Variants in MGAM observed in about 807,000 individuals in gnomAD.
MGAM encodes alpha-1,4-glucosidase.
In MGAM, 253 loss-of-function variants were observed where a neutral mutation model predicts 358.8. That is an observed-to-expected ratio of 0.71 (90% CI 0.64 to 0.78). The LOEUF (loss-of-function observed/expected upper bound fraction) is 0.78, where lower values mean the gene tolerates loss of function less well. Ranked by LOEUF, MGAM falls within the 30% of genes least tolerant of loss-of-function variation. The pLI is 0.00. For synonymous variants in MGAM, 1,105 were observed against 1,227.1 expected (o/e 0.90, Z 2.08); for missense variants, 3,080 against 3,432.6 (o/e 0.90, Z 2.57).
rs76746651 is a variant in MGAM at position 142,105,115 on chromosome 7, T to C, written c.8185-699T>C. On this transcript the variant is annotated intron_variant, in intron 70 of 70. Coordinates refer to ENST00000475668, the MANE Select transcript of MGAM (RefSeq NM_001365693.1). ...TGAAAGCTTCTTGACAGCATCTGCCTAGGAAGAAGCAGGAATAGTGGACTC... is the reference window on the plus strand; with the variant it reads ...TGAAAGCTTCTTGACAGCATCTGCCCAGGAAGAAGCAGGAATAGTGGACTC... Among the ~76,000 whole-genome samples the C allele has an allele frequency of 1.8e-3, 273 of 152,092 alleles. 4 individuals carry two copies. In the South Asian group the frequency reaches 0.036, roughly 20 times the overall value.
intron 3 of MGAM, among the ~76,000 whole-genome samples, chr7:142,018,168 G>A (rs1584923742): frequency 6.6e-6 from 1 of 152,210 alleles, no homozygotes; most frequent in East Asian, 1.9e-4. Context: ...GTGTCTCTTG[G>A]AAGGCTGCAG....
At chr7:142,079,521 T>C (rs1015900314) in intron 49 of MGAM, among the ~76,000 whole-genome samples, 2 of 146,078 alleles carry the variant, frequency 1.4e-5, no homozygotes, top group African/African-American at 4.9e-5. Context: ...GATGATATGT[T>C]CAGTTTGGGA....
At chr7:142,025,456 GTTC>G (rs1218861961) in intron 8 of MGAM, among the ~76,000 whole-genome samples, 5 of 152,242 alleles carry the variant, frequency 3.3e-5, no homozygotes. Context: ...CCACCAATGT[GTTC>G]TTCTCCGTCT....
intron 8 of MGAM, 139 bp from the exon 9 acceptor site, chr7:142,026,976 C>T: frequency 1.6e-6 from 1 of 617,432 alleles, no homozygotes; most frequent in South Asian, 2.1e-5. Context: ...AGGGTTTTCA[C>T]TTGGTATTCA....
intron 42 of MGAM, among the ~76,000 whole-genome samples, chr7:142,068,137 C>T (rs1192144277): frequency 8.7e-6 from 1 of 115,202 alleles, no homozygotes; most frequent in Non-Finnish European, 2.0e-5. Flanking sequence ...CAGGCATGTG[C>T]CACCATTCCC....
intron 24 of MGAM, 52 bp from the exon 25 acceptor site, chr7:142,052,242 C>A (rs1288381424): frequency 2.7e-6 from 4 of 1,481,396 alleles, no homozygotes; most frequent in South Asian, 1.4e-5. Context: ...TCAGGTCTTG[C>A]AAAGCCTGTC....
At position 142,050,845 on chromosome 7, in the gene MGAM, C is replaced by T. The variant is rs1321529491; in HGVS notation, c.2786C>T (p.Thr929Ile). Residue 929 changes from threonine to isoleucine, a missense_variant, in exon 24 of 71, where the codon ACT (threonine) becomes ATT (isoleucine). Coordinates refer to ENST00000475668, the MANE Select transcript of MGAM (RefSeq NM_001365693.1). Reference protein sequence around the residue: ...GVPSQTSPTVTYDSNLKVAII... With the variant: ...GVPSQTSPTVIYDSNLKVAII... ...CCAAGTCAGACTTCTCCTACAGTCA[C>T]TTATGATTCTAACCTGAAGGTAAAA... 2 of 1,613,562 alleles carry T rather than the reference C, an allele frequency of 1.2e-6. No homozygotes were observed. Among genetic ancestry groups the T allele is most frequent in the African/African-American group, 2.7e-5 (2 of 74,904 alleles).
chr7:142,094,289 C>T (rs1815672744), intron 60 of MGAM, 75 bp from the exon 61 acceptor site: 1 of 1,454,550 alleles, frequency 6.9e-7, no homozygotes, highest in African/African-American at 1.4e-5. Flanking sequence ...GGCTCAAGGG[C>T]TCTGGGAGCA....
chr7:142,065,859 T>G, intron 40 of MGAM, 28 bp downstream of exon 40: 1 of 1,449,226 alleles, frequency 6.9e-7, no homozygotes, highest in Non-Finnish European at 9.6e-7. Flanking sequence ...ACCTCCACTG[T>G]TTTATGTCAC....
upstream of MGAM, among the ~76,000 whole-genome samples, chr7:141,992,065 G>A (rs1425257411): frequency 6.6e-6 from 1 of 152,152 alleles, no homozygotes; most frequent in African/African-American, 2.4e-5. Flanking sequence ...TGAGAGATTG[G>A]CATATTTGAA....
intron 24 of MGAM, among the ~76,000 whole-genome samples, chr7:142,051,255 T>A (rs1302874273): frequency 6.6e-6 from 1 of 152,064 alleles, no homozygotes; most frequent in East Asian, 1.9e-4. Flanking sequence ...AGGAAACTTG[T>A]GGTCAGGTTT....
At chr7:142,026,801 A>G (rs1343949232) in intron 8 of MGAM, among the ~76,000 whole-genome samples, 2 of 152,142 alleles carry the variant, frequency 1.3e-5, no homozygotes, top group African/African-American at 2.4e-5. Context: ...TAATTTTTTT[A>G]TGTCACAGTG....
chr7:142,041,957 T>A (rs1452128974), intron 21 of MGAM, among the ~76,000 whole-genome samples: 3 of 20,410 alleles, frequency 1.5e-4, no homozygotes, highest in African/African-American at 1.4e-4. Context: ...TACATATATA[T>A]AATATATATA....
chr7:142,095,047 G>A (rs1815771544), intron 63 of MGAM, among the ~76,000 whole-genome samples, 184 bp downstream of exon 63: 1 of 151,850 alleles, frequency 6.6e-6, no homozygotes, highest in Admixed American at 6.6e-5. Context: ...GCTGACTGCA[G>A]CCTTGACCTC....
At position 142,076,755 on chromosome 7, in the gene MGAM, A is replaced by G; in HGVS notation, c.5422A>G (p.Asn1808Asp). 6.4e-7 allele frequency: 1 copy of G among 1,554,748 alleles called. No individual in the cohort carries two copies. Among genetic ancestry groups the G allele is most frequent in the Admixed American group, 1.7e-5 (1 of 58,444 alleles). Residue 1808 changes from asparagine (N) to aspartate (D), a missense_variant, in exon 47 of 71, where the codon AAT becomes GAT. Transcript: ENST00000475668. ...AATTCTTGGGATGGAGGAACCTAGC[A>G]ATGTTACGGTGAAACACAATGGTGT... is the stretch of plus-strand genomic sequence containing the variant. Reference protein sequence around the residue: ...IKILGMEEPSNVTVKHNGVPS... With the variant: ...IKILGMEEPSDVTVKHNGVPS...
At position 142,005,365 on chromosome 7, in the gene MGAM, A is replaced by G. The variant is rs546921534; in HGVS notation, c.-2-164A>G. 4.6e-5 allele frequency among the ~76,000 whole-genome samples: 7 copies of G among 152,268 alleles called. No homozygotes were observed. In the South Asian group the frequency reaches 1.4e-3, roughly 32 times the overall value. ...GAGAAAAGTGGACCAGAATAAGGAC[A>G]GAATGAATTGGCCATGAGCTGATAA... On this transcript the variant is annotated intron_variant, in intron 1 of 70. Coordinates refer to ENST00000475668, the MANE Select transcript of MGAM (RefSeq NM_001365693.1).
intron 21 of MGAM, among the ~76,000 whole-genome samples, chr7:142,044,184 C>G (rs549927783): frequency 8.1e-6 from 1 of 124,022 alleles, no homozygotes; most frequent in Admixed American, 8.9e-5. Flanking sequence ...TATACACATA[C>G]GACATATAAT....
At chr7:142,053,665 T>C (rs1811230750) in intron 26 of MGAM, among the ~76,000 whole-genome samples, 1 of 152,172 alleles carries the variant, frequency 6.6e-6, no homozygotes, top group African/African-American at 2.4e-5. Flanking sequence ...CCTTTCCTGT[T>C]TGTGCTTCTG....
intron 3 of MGAM, among the ~76,000 whole-genome samples, chr7:142,012,950 A>T (rs1391305672): frequency 6.6e-6 from 1 of 152,160 alleles, no homozygotes; most frequent in South Asian, 2.1e-4. Flanking sequence ...AAAAGCTTCC[A>T]GTTCTCTTAA....
Sources: allele counts gnomAD v4.1 joint callset (sites outside exome capture counted in the v4.1 genomes callset), GRCh38; gene constraint gnomAD v4.1.1; transcripts MANE v1.5; gene names NCBI Gene and HGNC (gene_info 2026-07-23, HGNC 2026-07-21).